NF1: variants seen among roughly 807,000 people sequenced by gnomAD.
NF1 encodes the protein neurofibromin 1.
Under a neutral mutation model 325.7 loss-of-function variants are expected in NF1, and 122 were observed. The observed-to-expected ratio is 0.37, with a 90% CI of 0.32 to 0.44. The LOEUF is 0.44. Ranked by LOEUF, NF1 falls within the 20% of genes least tolerant of loss-of-function variation. The probability of loss-of-function intolerance (pLI) is 1.00; values close to 1 mark genes in which losing one functional copy is unlikely to be tolerated. For missense variants in NF1, 2,140 were observed against 3,415.4 expected (o/e 0.63, Z 9.31); for synonymous variants, 1,091 against 1,186.0 (o/e 0.92, Z 1.65).
chr17:31,328,576 G>A (rs757054895), intron 38 of NF1, among the ~76,000 whole-genome samples: 1 of 152,128 alleles, frequency 6.6e-6, no homozygotes, highest in Non-Finnish European at 1.5e-5. Flanking sequence ...TTTATACTTA[G>A]TAAGTAGTAT....
intron 57 of NF1, chr17:31,360,993 T>A (rs1490811936): frequency 4.6e-6 from 2 of 437,194 alleles, no homozygotes; most frequent in Non-Finnish European, 8.3e-6. Flanking sequence ...CATTATTCTG[T>A]AAGTGAACAG....
intron 39 of NF1, chr17:31,330,726 A>G: frequency 1.8e-6 from 1 of 553,630 alleles, no homozygotes; most frequent in Non-Finnish European, 3.2e-6. Flanking sequence ...GCAAAGCGGC[A>G]AGAGTTTGGT....
chr17:31,319,419 C>T (rs532528164), intron 36 of NF1, among the ~76,000 whole-genome samples: 5 of 151,792 alleles, frequency 3.3e-5, no homozygotes, highest in African/African-American at 1.2e-4. Flanking sequence ...AACTACCCAC[C>T]CTCTAACCTG....
intron 1 of NF1, chr17:31,128,570 T>C (rs543439080): frequency 6.6e-6 from 1 of 152,276 alleles, no homozygotes; most frequent in African/African-American, 2.4e-5. Context: ...TTATTTTTCC[T>C]TTGCTTATGT....
intron 36 of NF1, among the ~76,000 whole-genome samples, chr17:31,270,569 C>A (rs2067874627): frequency 6.6e-6 from 1 of 152,150 alleles, no homozygotes; most frequent in South Asian, 2.1e-4. Context: ...GAGATCACAC[C>A]ACTGTACTCC....
intron 1 of NF1, among the ~76,000 whole-genome samples, chr17:31,109,610 G>T (rs956068479): frequency 6.6e-6 from 1 of 151,882 alleles, no homozygotes; most frequent in Non-Finnish European, 1.5e-5. Context: ...TCTCGAGCTC[G>T]TAACCTCAGG....
At chr17:31,276,027 G>A (rs1455141693) in intron 36 of NF1, among the ~76,000 whole-genome samples, 7 of 151,954 alleles carry the variant, frequency 4.6e-5, no homozygotes, top group African/African-American at 1.7e-4. Flanking sequence ...GGCTAACACG[G>A]TGAAACCCCA....
At chr17:31,158,084 C>T (rs556654254) in intron 2 of NF1, among the ~76,000 whole-genome samples, 1 of 152,300 alleles carries the variant, frequency 6.6e-6, no homozygotes, top group East Asian at 1.9e-4. Flanking sequence ...TCTACCCACC[C>T]CGATTCTCCC....
chr17:31,206,052 A>G (rs751240156), intron 11 of NF1, among the ~76,000 whole-genome samples, 188 bp from the exon 12 acceptor site: 5 of 152,186 alleles, frequency 3.3e-5, no homozygotes, highest in African/African-American at 4.8e-5. Context: ...GTTTTATAAT[A>G]TAATATGTAT....
chr17:31,130,997 A>C (rs755534246), intron 1 of NF1, among the ~76,000 whole-genome samples: 1 of 152,102 alleles, frequency 6.6e-6, no homozygotes, highest in Non-Finnish European at 1.5e-5. Flanking sequence ...GCAGTACTGC[A>C]AGCATCCTGG....
chr17:31,243,119 C>G (rs2067329090), intron 29 of NF1, among the ~76,000 whole-genome samples: 1 of 151,910 alleles, frequency 6.6e-6, no homozygotes, highest in African/African-American at 2.4e-5. Context: ...ATCAAACAGA[C>G]TCTTGTTCTC....
At chr17:31,157,786 C>A (rs954493120) in intron 2 of NF1, among the ~76,000 whole-genome samples, 1 of 139,592 alleles carries the variant, frequency 7.2e-6, no homozygotes, top group African/African-American at 2.7e-5. Context: ...GGTGAAACCC[C>A]GTCTCTACTA....
chr17:31,297,602 G>C (rs904565320), intron 36 of NF1: 1 of 151,950 alleles, frequency 6.6e-6, no homozygotes, highest in Non-Finnish European at 1.5e-5. Context: ...AAATAAATTT[G>C]ACCTTCCTCA....
In NF1 at chr17:31,096,069, C is replaced by A. The variant is rs773744129; in HGVS notation, c.60+700C>A. On this transcript the variant is annotated intron_variant, in intron 1 of 57. Transcript: ENST00000358273. ...CACAGACTGCCTTTTTTTTTTATTG[C>A]CGTTTGCAGTGGAAACCGTGGTTCT... 5.9e-5 allele frequency among the ~76,000 whole-genome samples: 9 copies of A among 151,796 alleles called. 1 individual carries two copies. The highest frequency in any genetic ancestry group is 3.4e-3 in the Middle Eastern group (1 of 294).
intron 16 of NF1, among the ~76,000 whole-genome samples, chr17:31,223,988 G>A (rs549404118): frequency 6.6e-6 from 1 of 152,120 alleles, no homozygotes; most frequent in African/African-American, 2.4e-5. Flanking sequence ...GGGAGTACTT[G>A]ATTTAATGGG....
rs1567814494 is a variant in NF1 at position 31,156,038 on chromosome 17, A to G, written c.116A>G (p.Asn39Ser). ...CATACCAAAGTCAGTACTGAGCACA[A>G]CAAGGAATGTCTAATCAATATTTCC... ...NTHTKVSTEH[N>S]KECLINISKY... Residue 39 changes from asparagine to serine, a missense_variant, in exon 2 of 58, where the codon AAC (asparagine) becomes AGC (serine). This residue lies in a region of NF1 where 246 missense variants were observed against 347.8 expected (regional missense o/e 0.71). Transcript: ENST00000358273. 6.2e-7 allele frequency: 1 copy of G among 1,613,808 alleles called. No homozygotes were observed. Among genetic ancestry groups the G allele is most frequent in the Non-Finnish European group, 8.5e-7 (1 of 1,179,854 alleles).
At chr17:31,306,600 G>A (rs1238200143) in intron 36 of NF1, among the ~76,000 whole-genome samples, 5 of 152,050 alleles carry the variant, frequency 3.3e-5, no homozygotes, top group Admixed American at 6.6e-5. Flanking sequence ...TCTCTGTAGC[G>A]TGGTAGCCTT....
intron 29 of NF1, 95 bp downstream of exon 29, chr17:31,236,116 C>T: frequency 4.7e-6 from 4 of 842,636 alleles, no homozygotes; most frequent in Admixed American, 2.2e-5. Context: ...CACCTTCTCC[C>T]CTTGATCATT....
chr17:31,285,094 G>A (rs1360135986), intron 36 of NF1, among the ~76,000 whole-genome samples: 1 of 152,046 alleles, frequency 6.6e-6, no homozygotes, highest in East Asian at 1.9e-4. Flanking sequence ...ACTCCAGCCT[G>A]GGTGACAGCA....
Sources: allele counts gnomAD v4.1 joint callset (sites outside exome capture counted in the v4.1 genomes callset), GRCh38; gene constraint gnomAD v4.1.1; regional missense constraint gnomAD v4.1.1; transcripts MANE v1.5; gene names NCBI Gene and HGNC (gene_info 2026-07-23, HGNC 2026-07-21).